RHBDD1: variants seen among roughly 807,000 people sequenced by gnomAD.
RHBDD1 encodes rhomboid domain containing 1.
RHBDD1 carries 38 observed loss-of-function variants against 36.3 expected under a neutral mutation model. The ratio of observed to expected loss-of-function variants is 1.05; its 90% CI spans 0.81 to 1.37. RHBDD1 has a LOEUF of 1.37. RHBDD1 is among the 40% of genes most tolerant of loss of function. The pLI is 0.00. For missense variants in RHBDD1, 393 were observed against 377.6 expected (o/e 1.04, Z -0.34); for synonymous variants, 151 against 136.5 (o/e 1.11, Z -0.74).
the RHBDD1 span, among the ~76,000 whole-genome samples, chr2:226,812,826 T>A: frequency 6.6e-6 from 1 of 152,268 alleles, no homozygotes; most frequent in South Asian, 2.1e-4. Flanking sequence ...TAAGCCATGA[T>A]AACTAAATAT....
At chr2:226,959,138 A>G (rs1952002355) in intron 8 of RHBDD1, among the ~76,000 whole-genome samples, 1 of 152,152 alleles carries the variant, frequency 6.6e-6, no homozygotes, top group Non-Finnish European at 1.5e-5. Flanking sequence ...TCTCGGTTTC[A>G]TAACTGAAAT....
chr2:226,860,826 C>T (rs190177264), intron 3 of RHBDD1, among the ~76,000 whole-genome samples: 32 of 152,314 alleles, frequency 2.1e-4, no homozygotes, highest in Admixed American at 8.5e-4. Context: ...TATCTCCTTT[C>T]GCATTAAGTA....
the RHBDD1 span, among the ~76,000 whole-genome samples, chr2:226,801,789 TG>T: frequency 1.3e-5 from 2 of 152,000 alleles, no homozygotes; most frequent in African/African-American, 2.4e-5. Flanking sequence ...CTGAAGTTGG[TG>T]GAAAAGTGTA....
chr2:226,855,510 C>CA (rs1412141028), intron 3 of RHBDD1, among the ~76,000 whole-genome samples: 2 of 151,978 alleles, frequency 1.3e-5, no homozygotes, highest in Admixed American at 6.6e-5. Flanking sequence ...CTCTAAAAAA[C>CA]AAAAAACCCT....
At chr2:226,978,576 G>A (rs1955008690) in intron 8 of RHBDD1, among the ~76,000 whole-genome samples, 1 of 152,136 alleles carries the variant, frequency 6.6e-6, no homozygotes, top group Non-Finnish European at 1.5e-5. Flanking sequence ...TTCCATTCCT[G>A]CATTTGTTCA....
intron 5 of RHBDD1, among the ~76,000 whole-genome samples, chr2:226,871,265 A>G (rs560086262): frequency 3.8e-4 from 58 of 152,268 alleles, no homozygotes; most frequent in African/African-American, 1.3e-3. Context: ...TAAATTTTCA[A>G]ACATAAAGAA....
At chr2:226,859,324 AACAAT>A (rs747424651) in intron 3 of RHBDD1, among the ~76,000 whole-genome samples, 2 of 152,170 alleles carry the variant, frequency 1.3e-5, no homozygotes, top group Non-Finnish European at 2.9e-5. Context: ...ATTATTCCCT[AACAAT>A]ACAATAAAAC....
intron 3 of RHBDD1, among the ~76,000 whole-genome samples, chr2:226,864,034 G>T (rs1406031847): frequency 6.6e-6 from 1 of 152,156 alleles, no homozygotes; most frequent in Admixed American, 6.5e-5. Context: ...CCCAGGATTT[G>T]GCTTGTAGAG....
chr2:226,916,544 C>T (rs1004318628), intron 8 of RHBDD1, among the ~76,000 whole-genome samples: 4 of 152,176 alleles, frequency 2.6e-5, no homozygotes, highest in African/African-American at 9.7e-5. Flanking sequence ...TCAAGGCTGA[C>T]TTCAAATAAA....
intron 3 of RHBDD1, among the ~76,000 whole-genome samples, chr2:226,855,329 A>C (rs1943217979): frequency 6.6e-6 from 1 of 152,198 alleles, no homozygotes; most frequent in East Asian, 1.9e-4. Context: ...ACAACACAGC[A>C]AGACCCCATC....
intron 5 of RHBDD1, among the ~76,000 whole-genome samples, chr2:226,877,934 T>C (rs1410064720): frequency 6.6e-6 from 1 of 152,196 alleles, no homozygotes; most frequent in East Asian, 1.9e-4. Context: ...AGTTGTCTTC[T>C]TGCTTTTGTG....
At chr2:226,867,162 T>A in intron 4 of RHBDD1, 24 bp from the exon 5 acceptor site, 1 of 1,578,472 alleles carries the variant, frequency 6.3e-7, no homozygotes, top group Non-Finnish European at 8.6e-7. Flanking sequence ...TGTTGATATT[T>A]GCATGTTCTT....
intron 8 of RHBDD1, among the ~76,000 whole-genome samples, chr2:226,963,213 A>G (rs1044709746): frequency 3.3e-5 from 5 of 152,168 alleles, no homozygotes; most frequent in African/African-American, 1.2e-4. Flanking sequence ...AAACTTCTAT[A>G]TAGAACACTT....
chr2:226,885,058 G>A (rs1000685051), intron 5 of RHBDD1, among the ~76,000 whole-genome samples: 1 of 152,070 alleles, frequency 6.6e-6, no homozygotes, highest in Non-Finnish European at 1.5e-5. Context: ...ATCTATCAGT[G>A]GCTAATAAAT....
At chr2:226,831,638 C>T (rs1318729229), upstream of RHBDD1, among the ~76,000 whole-genome samples, 1 of 152,002 alleles carries the variant, frequency 6.6e-6, no homozygotes, top group South Asian at 2.1e-4. Flanking sequence ...ACACTTTGAT[C>T]GAGCTTCATG....
chr2:226,831,533 G>GT, upstream of RHBDD1, among the ~76,000 whole-genome samples: 1 of 152,260 alleles, frequency 6.6e-6, no homozygotes, highest in African/African-American at 2.4e-5. Flanking sequence ...AAACCAAGGA[G>GT]CACCAAGAAA....
At chr2:226,984,381 C>G (rs1181548881) in intron 8 of RHBDD1, among the ~76,000 whole-genome samples, 1 of 152,222 alleles carries the variant, frequency 6.6e-6, no homozygotes, top group Non-Finnish European at 1.5e-5. Context: ...TGGCTGCCTT[C>G]TCACTGTGAC....
chr2:226,866,732 C>A (rs1178110030), intron 4 of RHBDD1, among the ~76,000 whole-genome samples: 1 of 152,170 alleles, frequency 6.6e-6, no homozygotes, highest in East Asian at 1.9e-4. Flanking sequence ...GACATCCTTC[C>A]CCTTTCCTTC....
intron 8 of RHBDD1, 121 bp downstream of exon 8, chr2:226,914,472 A>G: frequency 8.6e-7 from 1 of 1,165,634 alleles, no homozygotes; most frequent in Non-Finnish European, 1.2e-6. Context: ...ATGTAGATGA[A>G]AACTGTGTGC....
Sources: gnomAD v4.1 joint callset for allele counts (sites outside exome capture counted in the v4.1 genomes callset) on GRCh38, gnomAD v4.1.1 for gene constraint, MANE v1.5 for transcripts, NCBI Gene and HGNC (gene_info 2026-07-23, HGNC 2026-07-21) for gene names.